The following IGSF21 variants were observed in gnomAD, a reference collection of about 807,000 sequenced individuals.
IGSF21 encodes immunoglobin superfamily member 21.
In IGSF21, 28 loss-of-function variants were observed where a neutral mutation model predicts 46.8. That is an observed-to-expected ratio of 0.60 (90% confidence interval 0.44 to 0.82). The LOEUF is 0.82. Ranked by LOEUF, IGSF21 falls within the 40% of genes least tolerant of loss-of-function variation. The probability of loss-of-function intolerance (pLI) is 0.00; values close to 1 mark genes in which losing one functional copy is unlikely to be tolerated. For synonymous variants in IGSF21, 284 were observed against 273.6 expected (o/e 1.04, Z -0.38); for missense variants, 624 against 665.5 (o/e 0.94, Z 0.69).
intron 3 of IGSF21, among the ~76,000 whole-genome samples, chr1:18,327,068 A>G (rs572299494): frequency 2.7e-4 from 41 of 152,308 alleles, no homozygotes; most frequent in African/African-American, 9.1e-4. Flanking sequence ...GGCAAATGTC[A>G]TGCACCCTTT....
At chr1:18,287,103 C>G (rs1211723666) in intron 2 of IGSF21, among the ~76,000 whole-genome samples, 8 of 150,242 alleles carry the variant, frequency 5.3e-5, no homozygotes, top group South Asian at 4.3e-4. Context: ...ATGGCGTGAA[C>G]CCGGGAGGCG....
intron 1 of IGSF21, among the ~76,000 whole-genome samples, chr1:18,120,981 C>A (rs929778549): frequency 7.9e-5 from 12 of 152,178 alleles, no homozygotes; most frequent in African/African-American, 2.9e-4. Context: ...AGTCTATTTT[C>A]CACCCTATTT....
At chr1:18,183,616 T>A (rs929449809) in intron 1 of IGSF21, among the ~76,000 whole-genome samples, 1 of 152,202 alleles carries the variant, frequency 6.6e-6, no homozygotes, top group Non-Finnish European at 1.5e-5. Flanking sequence ...ACTCAGTGGC[T>A]TAAATATAAC....
intron 1 of IGSF21, among the ~76,000 whole-genome samples, chr1:18,116,377 C>T (rs2086190392): frequency 6.6e-6 from 1 of 152,186 alleles, no homozygotes; most frequent in Non-Finnish European, 1.5e-5. Flanking sequence ...TCCTGTTGTC[C>T]ACCACTTCCT....
chr1:18,286,031 A>C (rs567889771), intron 2 of IGSF21, among the ~76,000 whole-genome samples: 1 of 152,294 alleles, frequency 6.6e-6, no homozygotes, highest in South Asian at 2.1e-4. Context: ...GGAAACAGGC[A>C]CACAGAACCC....
At chr1:18,164,976 C>T (rs2086664844) in intron 1 of IGSF21, among the ~76,000 whole-genome samples, 1 of 146,178 alleles carries the variant, frequency 6.8e-6, no homozygotes, top group Non-Finnish European at 1.5e-5. Context: ...TGAGTGAGAA[C>T]ATGCGGTGTT....
intron 2 of IGSF21, among the ~76,000 whole-genome samples, chr1:18,280,099 G>C (rs1278533718): frequency 6.6e-6 from 1 of 152,310 alleles, no homozygotes; most frequent in East Asian, 1.9e-4. Context: ...GGCAGCCCGG[G>C]GGGTGACACG....
chr1:18,151,598 C>T (rs75951355), intron 1 of IGSF21, among the ~76,000 whole-genome samples: 5,083 of 152,150 alleles, frequency 0.033, 294 homozygotes, highest in African/African-American at 0.12. Context: ...ATATAACAGG[C>T]GGGGGAGAGG....
chr1:18,198,625 G>T (rs201742502), intron 1 of IGSF21, among the ~76,000 whole-genome samples: 1 of 152,170 alleles, frequency 6.6e-6, no homozygotes, highest in Non-Finnish European at 1.5e-5. Context: ...AATAAAACTG[G>T]CTGGGGAAAA....
intron 1 of IGSF21, among the ~76,000 whole-genome samples, chr1:18,179,506 G>T (rs2086836004): frequency 6.6e-6 from 1 of 152,186 alleles, no homozygotes; most frequent in Non-Finnish European, 1.5e-5. Context: ...TGTAATCCAG[G>T]CTGGATTTGT....
intron 2 of IGSF21, among the ~76,000 whole-genome samples, chr1:18,249,732 G>A (rs1052723828): frequency 7.9e-5 from 12 of 152,210 alleles, no homozygotes; most frequent in Admixed American, 5.2e-4. Flanking sequence ...GCCAACAGTT[G>A]CTCTGATTCT....
chr1:18,130,942 G>T (rs371563622), intron 1 of IGSF21, among the ~76,000 whole-genome samples: 1 of 152,222 alleles, frequency 6.6e-6, no homozygotes, highest in African/African-American at 2.4e-5. Context: ...CCTGTATGGG[G>T]GACCTGAGTG....
chr1:18,356,209 C>T (rs1164284143), intron 4 of IGSF21, among the ~76,000 whole-genome samples: 1 of 152,202 alleles, frequency 6.6e-6, no homozygotes, highest in Non-Finnish European at 1.5e-5. Flanking sequence ...TGCTTGGTGT[C>T]TCTTCACCTT....
At chr1:18,168,994 G>GTGTC (rs1330590820) in intron 1 of IGSF21, among the ~76,000 whole-genome samples, 1 of 152,242 alleles carries the variant, frequency 6.6e-6, no homozygotes, top group African/African-American at 2.4e-5. Context: ...GGGGCTCAGA[G>GTGTC]TGTCTGTCTG....
intron 1 of IGSF21, among the ~76,000 whole-genome samples, chr1:18,137,019 A>G (rs1281629847): frequency 6.6e-6 from 1 of 152,116 alleles, no homozygotes; most frequent in Non-Finnish European, 1.5e-5. Flanking sequence ...CTTTGAAGCA[A>G]TTGAGACTGG....
Position 18,334,812 on chromosome 1 carries a change from C to T in IGSF21, c.306-80C>T. The T allele has an allele frequency of 1.0e-6, 1 of 973,522 alleles. No individual in the cohort carries two copies. Among genetic ancestry groups the T allele is most frequent in the Non-Finnish European group, 1.7e-6 (1 of 605,924 alleles). The allele number at this position is 973,522 out of a possible 1,614,324, so 60.3% of individuals were successfully genotyped here. ...TGTTAGTGGAGGCTGCACCAGTGGG[C>T]ATCAGGATGAGTTTCCTTGAACGCT... is the stretch of plus-strand genomic sequence containing the variant. On this transcript the variant is annotated intron_variant, in intron 3 of 9. Coordinates refer to ENST00000251296, the MANE Select transcript of IGSF21 (RefSeq NM_032880.5). The surrounding 1 kb of genome is among the most constrained non-coding windows in gnomAD (Gnocchi z 4.3).
chr1:18,316,692 G>A (rs903102555), intron 3 of IGSF21, among the ~76,000 whole-genome samples: 1 of 152,042 alleles, frequency 6.6e-6, no homozygotes, highest in Non-Finnish European at 1.5e-5. Flanking sequence ...GTAACTCTGG[G>A]CATCTTATTA....
chr1:18,310,249 A>G (rs1398315532), intron 3 of IGSF21, among the ~76,000 whole-genome samples: 1 of 152,224 alleles, frequency 6.6e-6, no homozygotes, highest in Non-Finnish European at 1.5e-5. Flanking sequence ...GTTGGTATCC[A>G]TGCACACACA....
intron 1 of IGSF21, among the ~76,000 whole-genome samples, chr1:18,225,085 T>TCTCTCTCTCTCTCTCTCTCTCTCTCTCA: frequency 9.7e-5 from 5 of 51,608 alleles, no homozygotes; most frequent in African/African-American, 3.5e-4. Flanking sequence ...TCTCTCTCTC[T>TCTCTCTCTCTCTCTCTCTCTCTCTCTCA]CACACACACA....
Sources: allele counts gnomAD v4.1 joint callset (sites outside exome capture counted in the v4.1 genomes callset), GRCh38; gene constraint gnomAD v4.1.1; non-coding constraint Gnocchi (gnomAD v3.1); transcripts MANE v1.5; gene names NCBI Gene and HGNC (gene_info 2026-07-23, HGNC 2026-07-21).